FOXP2: variants seen among roughly 807,000 people sequenced by gnomAD.
The protein encoded by FOXP2 is forkhead box protein P2.
In FOXP2, 12 loss-of-function variants were observed where a neutral mutation model predicts 115.8. The observed-to-expected ratio is 0.10, with a 90% CI of 0.07 to 0.17. FOXP2 has a LOEUF of 0.17. Among genes scored for constraint, FOXP2 ranks in the 10% least tolerant of loss-of-function variants. The pLI is 1.00. For synonymous variants in FOXP2, 328 were observed against 297.7 expected (o/e 1.10, Z -1.05); for missense variants, 629 against 843.5 (o/e 0.75, Z 3.15).
At chr7:114,112,914 A>G (rs1791308701) in intron 1 of FOXP2, among the ~76,000 whole-genome samples, 1 of 152,138 alleles carries the variant, frequency 6.6e-6, no homozygotes, top group South Asian at 2.1e-4. Flanking sequence ...AGTTCATTTC[A>G]TCCGGTTGTC....
intron 2 of FOXP2, among the ~76,000 whole-genome samples, chr7:114,358,947 C>T (rs887718611): frequency 5.9e-5 from 9 of 152,274 alleles, no homozygotes; most frequent in African/African-American, 2.2e-4. Flanking sequence ...GGAATTCAAG[C>T]AGGCTGCAAA....
intron 2 of FOXP2, among the ~76,000 whole-genome samples, chr7:114,313,757 AAAAAAC>A (rs1184699860): frequency 5.6e-5 from 3 of 53,482 alleles, no homozygotes; most frequent in Admixed American, 1.2e-4. Flanking sequence ...AAAAAAAAAA[AAAAAAC>A]AAAAATATTG....
intron 2 of FOXP2, among the ~76,000 whole-genome samples, chr7:114,492,076 C>T (rs1437903959): frequency 6.6e-6 from 1 of 152,060 alleles, no homozygotes; most frequent in Non-Finnish European, 1.5e-5. Context: ...TTAATTATTG[C>T]CTCAATTTCA....
intron 3 of FOXP2, among the ~76,000 whole-genome samples, chr7:114,612,417 T>C (rs1476177935): frequency 6.6e-6 from 1 of 151,942 alleles, no homozygotes; most frequent in East Asian, 1.9e-4. Context: ...ATATATGGGA[T>C]TTTTAATACA....
intron 1 of FOXP2, among the ~76,000 whole-genome samples, chr7:114,189,005 TCTCC>T (rs1793687409): frequency 1.3e-5 from 2 of 152,170 alleles, no homozygotes; most frequent in African/African-American, 4.8e-5. Context: ...AATGCTTTAA[TCTCC>T]TCAGTTATTC....
intron 2 of FOXP2, among the ~76,000 whole-genome samples, chr7:114,320,955 T>C (rs879846796): frequency 6.6e-6 from 1 of 152,202 alleles, no homozygotes; most frequent in African/African-American, 2.4e-5. Flanking sequence ...CAACGTTTAC[T>C]TTATTAAATA....
At chr7:114,676,225 G>A (rs990981162) in intron 16 of FOXP2, among the ~76,000 whole-genome samples, 3 of 151,834 alleles carry the variant, frequency 2.0e-5, no homozygotes, top group South Asian at 2.1e-4. Flanking sequence ...CACTGTACCC[G>A]GCCTAAAACG....
chr7:114,516,321 A>G (rs1430331244), intron 2 of FOXP2, among the ~76,000 whole-genome samples: 1 of 152,192 alleles, frequency 6.6e-6, no homozygotes, highest in Non-Finnish European at 1.5e-5. Context: ...AGGATTTCCT[A>G]TTTAATAAAT....
intron 2 of FOXP2, among the ~76,000 whole-genome samples, chr7:114,506,033 A>G (rs1010662524): frequency 1.3e-5 from 2 of 151,266 alleles, no homozygotes; most frequent in African/African-American, 4.8e-5. Flanking sequence ...CTCCCACATT[A>G]AAAAACAACA....
At chr7:114,496,277 A>G (rs1344163569) in intron 2 of FOXP2, among the ~76,000 whole-genome samples, 2 of 152,186 alleles carry the variant, frequency 1.3e-5, no homozygotes, top group African/African-American at 2.4e-5. Context: ...AGAATTTACT[A>G]CTAACATAAT....
chr7:114,453,373 G>T (rs535677176), intron 2 of FOXP2, among the ~76,000 whole-genome samples: 15 of 152,050 alleles, frequency 9.9e-5, no homozygotes, highest in Non-Finnish European at 1.5e-4. Flanking sequence ...TTTACTATCA[G>T]TACAATGTGG....
chr7:114,558,317 T>C (rs1172913091), intron 3 of FOXP2, among the ~76,000 whole-genome samples: 1 of 152,228 alleles, frequency 6.6e-6, no homozygotes, highest in Non-Finnish European at 1.5e-5. Context: ...TTCTTCATAG[T>C]TACTTCTTGA....
At chr7:114,569,526 G>C (rs963227335) in intron 3 of FOXP2, among the ~76,000 whole-genome samples, 1 of 151,928 alleles carries the variant, frequency 6.6e-6, no homozygotes, top group Non-Finnish European at 1.5e-5. Context: ...ACACCCCTGT[G>C]TATCTAATTA....
intron 3 of FOXP2, among the ~76,000 whole-genome samples, chr7:114,603,714 G>A (rs1803154329): frequency 6.6e-6 from 1 of 152,092 alleles, no homozygotes; most frequent in African/African-American, 2.4e-5. Context: ...TATAATAGAA[G>A]ACTAATTTTG....
chr7:114,325,892 T>C (rs911664119), intron 2 of FOXP2, among the ~76,000 whole-genome samples: 1 of 152,116 alleles, frequency 6.6e-6, no homozygotes, highest in African/African-American at 2.4e-5. Flanking sequence ...TTCCAGATGC[T>C]TAGACCTACA....
chr7:114,424,284 G>A (rs1054237886), intron 1 of FOXP2, among the ~76,000 whole-genome samples: 12 of 151,368 alleles, frequency 7.9e-5, no homozygotes, highest in African/African-American at 2.7e-4. Context: ...AAGGTTAGTA[G>A]TAAATGCTGC....
chr7:114,375,583 A>G (rs1378585258), intron 2 of FOXP2, among the ~76,000 whole-genome samples: 1 of 152,196 alleles, frequency 6.6e-6, no homozygotes, highest in Non-Finnish European at 1.5e-5. Context: ...CTGAGGGTCC[A>G]GTATTTGGGC....
intron 1 of FOXP2, among the ~76,000 whole-genome samples, chr7:114,214,808 C>A (rs535285118): frequency 6.6e-6 from 1 of 152,188 alleles, no homozygotes; most frequent in South Asian, 2.1e-4. Flanking sequence ...TGTTAGTTTC[C>A]TAGGGAGCAA....
At chr7:114,241,397 A>G (rs575008859) in intron 1 of FOXP2, among the ~76,000 whole-genome samples, 1 of 152,210 alleles carries the variant, frequency 6.6e-6, no homozygotes, top group Admixed American at 6.5e-5. Flanking sequence ...CCAGGTAAGG[A>G]AAGGATTGGC....
Sources: allele counts gnomAD v4.1 joint callset (sites outside exome capture counted in the v4.1 genomes callset), GRCh38; gene constraint gnomAD v4.1.1; transcripts MANE v1.5; gene names NCBI Gene and HGNC (gene_info 2026-07-23, HGNC 2026-07-21).